IFT56: variants seen among roughly 807,000 people sequenced by gnomAD.
The protein encoded by IFT56 is intraflagellar transport protein 56.
chr7:139,138,666 A>G, the IFT56 span, among the ~76,000 whole-genome samples: 1 of 152,140 alleles, frequency 6.6e-6, no homozygotes, highest in Non-Finnish European at 1.5e-5. Context: ...AGAGAATTTC[A>G]CTTTTCCTTT....
chr7:139,158,175 A>G, the IFT56 span, among the ~76,000 whole-genome samples: 17 of 152,084 alleles, frequency 1.1e-4, no homozygotes, highest in Non-Finnish European at 1.5e-4. Flanking sequence ...TTAGCCAGGC[A>G]TGGTGGCATG....
the IFT56 span, among the ~76,000 whole-genome samples, chr7:139,180,768 G>C: frequency 1.3e-5 from 2 of 152,008 alleles, no homozygotes; most frequent in Non-Finnish European, 2.9e-5. Flanking sequence ...TTTAGCAATC[G>C]TATCTTCTAA....
chr7:139,141,338 G>A, the IFT56 span, among the ~76,000 whole-genome samples: 1 of 151,698 alleles, frequency 6.6e-6, no homozygotes, highest in Admixed American at 6.6e-5. Flanking sequence ...AGCATCGTAT[G>A]CTATAGCTTC....
chr7:139,161,418 A>G, the IFT56 span: 5 of 168,188 alleles, frequency 3.0e-5, no homozygotes, highest in African/African-American at 1.2e-4. Flanking sequence ...TATGTAAAAG[A>G]TTGTGAGCAG....
the IFT56 span, among the ~76,000 whole-genome samples, chr7:139,180,374 C>T: frequency 1.3e-5 from 2 of 151,216 alleles, no homozygotes; most frequent in Admixed American, 1.3e-4. Flanking sequence ...TTGTCTCTGT[C>T]TCTAACTCAC....
the IFT56 span, chr7:139,165,035 A>G: frequency 1.5e-5 from 13 of 871,498 alleles, no homozygotes; most frequent in Non-Finnish European, 2.2e-5. Flanking sequence ...TTAGTTGAAT[A>G]TCATGAACCC....
the IFT56 span, chr7:139,160,935 C>G: frequency 6.2e-7 from 1 of 1,609,988 alleles, no homozygotes. Flanking sequence ...AGCCTTTCTT[C>G]TTTAAATTTC....
the IFT56 span, chr7:139,160,951 G>A: frequency 6.2e-7 from 1 of 1,613,086 alleles, no homozygotes; most frequent in Admixed American, 1.7e-5. Flanking sequence ...ATTTCAGGCA[G>A]AACTCAAAAG....
At chr7:139,182,924 TA>T in the IFT56 span, among the ~76,000 whole-genome samples, 1 of 152,060 alleles carries the variant, frequency 6.6e-6, no homozygotes, top group African/African-American at 2.4e-5. Context: ...AGGTAGAGAA[TA>T]GAGTCAGATT....
At chr7:139,181,103 A>T in the IFT56 span, 1 of 1,605,704 alleles carries the variant, frequency 6.2e-7, no homozygotes, top group Non-Finnish European at 8.5e-7. Flanking sequence ...TATTATGAAT[A>T]AGAAACCAAG....
chr7:139,151,943 C>T, the IFT56 span, among the ~76,000 whole-genome samples: 1 of 152,166 alleles, frequency 6.6e-6, no homozygotes, highest in Non-Finnish European at 1.5e-5. Context: ...TGCCTGTAAT[C>T]CCAGCTACTT....
chr7:139,184,468 T>C, the IFT56 span, among the ~76,000 whole-genome samples: 1 of 152,218 alleles, frequency 6.6e-6, no homozygotes, highest in Non-Finnish European at 1.5e-5. Context: ...TACTGTTTGC[T>C]TTCATATATG....
chr7:139,175,593 A>G, the IFT56 span, among the ~76,000 whole-genome samples: 1 of 152,174 alleles, frequency 6.6e-6, no homozygotes, highest in Non-Finnish European at 1.5e-5. Flanking sequence ...GTCATTTCCA[A>G]TAACATGTAT....
At chr7:139,162,349 C>T in the IFT56 span, among the ~76,000 whole-genome samples, 1 of 151,982 alleles carries the variant, frequency 6.6e-6, no homozygotes. Flanking sequence ...GGTAAAGAAC[C>T]ACTATATAAA....
At chr7:139,158,766 T>G in the IFT56 span, among the ~76,000 whole-genome samples, 3 of 151,950 alleles carry the variant, frequency 2.0e-5, no homozygotes, top group Non-Finnish European at 4.4e-5. Context: ...ATACAAAAAT[T>G]ACCCTGGTGT....
the IFT56 span, among the ~76,000 whole-genome samples, chr7:139,185,016 T>C: frequency 6.8e-6 from 1 of 147,234 alleles, no homozygotes; most frequent in African/African-American, 2.6e-5. Flanking sequence ...ATCGCGCCAC[T>C]GCACTCCAGC....
At chr7:139,157,280 G>T in the IFT56 span, among the ~76,000 whole-genome samples, 1 of 149,784 alleles carries the variant, frequency 6.7e-6, no homozygotes, top group African/African-American at 2.4e-5. Flanking sequence ...CTGAGTAGCT[G>T]GGATTACAGA....
chr7:139,187,458 A>C, the IFT56 span: 4 of 1,614,172 alleles, frequency 2.5e-6, no homozygotes, highest in Non-Finnish European at 3.4e-6. Context: ...GAGAGGCTGG[A>C]TCCTAACCCT....
the IFT56 span, chr7:139,142,199 A>C: frequency 1.3e-5 from 21 of 1,579,632 alleles, no homozygotes; most frequent in Non-Finnish European, 1.8e-5. Flanking sequence ...TTTCATTCCT[A>C]CAAGGGACTG....
Sources: gnomAD v4.1 joint callset for allele counts (sites outside exome capture counted in the v4.1 genomes callset) on GRCh38, gnomAD v4.1.1 for gene constraint, MANE v1.5 for transcripts, NCBI Gene and HGNC (gene_info 2026-07-23, HGNC 2026-07-21) for gene names.